Variants in REDIC1 observed in about 807,000 individuals in gnomAD.
REDIC1 encodes the protein HEI10 Interacting Protein 1.
the REDIC1 span, chr12:39,692,310 G>A: frequency 2.5e-6 from 1 of 392,822 alleles, no homozygotes; most frequent in African/African-American, 2.1e-5. Context: ...TAATGTATAG[G>A]TACAGTTTAG....
the REDIC1 span, chr12:39,760,005 A>G: frequency 2.4e-4 from 375 of 1,588,176 alleles, no homozygotes; most frequent in Non-Finnish European, 3.1e-4. Flanking sequence ...TTAAATAACT[A>G]AATATATGAG....
the REDIC1 span, chr12:39,684,140 G>C: frequency 3.0e-6 from 3 of 1,002,006 alleles, no homozygotes; most frequent in South Asian, 4.0e-5. Context: ...AAAATGTTCT[G>C]AGTTTAAGGT....
chr12:39,838,952 A>G, the REDIC1 span, among the ~76,000 whole-genome samples: 5 of 152,090 alleles, frequency 3.3e-5, no homozygotes, highest in Admixed American at 6.6e-5. Flanking sequence ...CAGAAAATCA[A>G]TGGTGGCAAA....
chr12:39,706,146 T>C, the REDIC1 span, among the ~76,000 whole-genome samples: 73 of 152,074 alleles, frequency 4.8e-4, no homozygotes, highest in African/African-American at 1.5e-3. Context: ...CATGCAAAAA[T>C]CAGTAGCATT....
At chr12:39,719,187 C>T in the REDIC1 span, among the ~76,000 whole-genome samples, 1 of 152,152 alleles carries the variant, frequency 6.6e-6, no homozygotes, top group African/African-American at 2.4e-5. Context: ...ATGTTCTCAG[C>T]ACTATATTAC....
chr12:39,802,034 A>T, the REDIC1 span, among the ~76,000 whole-genome samples: 1 of 152,340 alleles, frequency 6.6e-6, no homozygotes, highest in Admixed American at 6.5e-5. Context: ...GACAATTGTC[A>T]TGATGAAAAA....
the REDIC1 span, chr12:39,643,733 A>G: frequency 7.5e-7 from 1 of 1,326,744 alleles, no homozygotes; most frequent in East Asian, 2.6e-5. Context: ...AATTCTGTCT[A>G]AAACCGCATA....
At chr12:39,815,481 T>G in the REDIC1 span, among the ~76,000 whole-genome samples, 1 of 152,196 alleles carries the variant, frequency 6.6e-6, no homozygotes, top group East Asian at 1.9e-4. Context: ...TTTCACCTAT[T>G]ACTATCCTTT....
the REDIC1 span, among the ~76,000 whole-genome samples, chr12:39,701,537 G>C: frequency 5.5e-4 from 83 of 152,200 alleles, no homozygotes; most frequent in African/African-American, 1.9e-3. Flanking sequence ...CAATGAGACA[G>C]AAGGTCAGCA....
the REDIC1 span, among the ~76,000 whole-genome samples, chr12:39,655,767 G>C: frequency 2.0e-5 from 3 of 152,134 alleles, no homozygotes; most frequent in African/African-American, 7.2e-5. Flanking sequence ...GATAGCTCCA[G>C]GCTATAACTG....
At chr12:39,708,938 G>A in the REDIC1 span, among the ~76,000 whole-genome samples, 4 of 151,872 alleles carry the variant, frequency 2.6e-5, no homozygotes, top group South Asian at 2.1e-4. Context: ...TTAACTGTAT[G>A]TGTTAGTTTA....
the REDIC1 span, among the ~76,000 whole-genome samples, chr12:39,703,086 C>T: frequency 6.6e-6 from 1 of 152,118 alleles, no homozygotes; most frequent in African/African-American, 2.4e-5. Flanking sequence ...CTGGCCAGGG[C>T]AATTAGGCAG....
chr12:39,844,236 C>T, the REDIC1 span, among the ~76,000 whole-genome samples: 3 of 152,020 alleles, frequency 2.0e-5, no homozygotes, highest in Admixed American at 6.6e-5. Flanking sequence ...ACTAGCTTTT[C>T]TACTTATTGA....
chr12:39,881,572 C>T, the REDIC1 span, among the ~76,000 whole-genome samples: 1 of 152,290 alleles, frequency 6.6e-6, no homozygotes, highest in South Asian at 2.1e-4. Flanking sequence ...TTATACCTGG[C>T]CATTTACCTC....
the REDIC1 span, among the ~76,000 whole-genome samples, chr12:39,715,252 A>G: frequency 6.6e-6 from 1 of 151,956 alleles, no homozygotes; most frequent in Non-Finnish European, 1.5e-5. Flanking sequence ...AAGGTAAGAG[A>G]TGAGGATCGT....
chr12:39,715,563 C>G, the REDIC1 span, among the ~76,000 whole-genome samples: 1 of 151,872 alleles, frequency 6.6e-6, no homozygotes, highest in Non-Finnish European at 1.5e-5. Context: ...CTTCACAGAA[C>G]TAGAAAAAAC....
the REDIC1 span, among the ~76,000 whole-genome samples, chr12:39,866,833 A>AAGC: frequency 4.6e-5 from 7 of 152,230 alleles, no homozygotes; most frequent in Admixed American, 1.3e-4. Flanking sequence ...TTATTATTAC[A>AAGC]AGCAGCAGCA....
At chr12:39,734,953 T>A in the REDIC1 span, among the ~76,000 whole-genome samples, 1 of 152,258 alleles carries the variant, frequency 6.6e-6, no homozygotes, top group Non-Finnish European at 1.5e-5. Context: ...AATGTTTAGT[T>A]TTATAATCAA....
the REDIC1 span, among the ~76,000 whole-genome samples, chr12:39,875,807 A>G: frequency 6.6e-6 from 1 of 152,178 alleles, no homozygotes; most frequent in Admixed American, 6.5e-5. Flanking sequence ...AGTACATTCC[A>G]ATGTTTTCAT....
Sources: allele counts gnomAD v4.1 joint callset (sites outside exome capture counted in the v4.1 genomes callset), GRCh38; gene constraint gnomAD v4.1.1; transcripts MANE v1.5; gene names NCBI Gene and HGNC (gene_info 2026-07-23, HGNC 2026-07-21).